Variants in ITIH5 observed in about 807,000 individuals in gnomAD.
The protein encoded by ITIH5 is inter-alpha-trypsin inhibitor heavy chain H5.
In ITIH5, 65 loss-of-function variants were observed where a neutral mutation model predicts 77.5. That is an observed-to-expected ratio of 0.84 (90% CI 0.69 to 1.03). The LOEUF (loss-of-function observed/expected upper bound fraction) is 1.03. ITIH5 is among the 50% of genes least tolerant of loss of function. The pLI is 0.00. For missense variants in ITIH5, 1,208 were observed against 1,213.1 expected (o/e 1.00, Z 0.06); for synonymous variants, 525 against 494.3 (o/e 1.06, Z -0.82).
rs191053899 is a variant in ITIH5 at position 7,665,567 on chromosome 10, G to C, written c.90+1236C>G. On this transcript the variant is annotated intron_variant, in intron 1 of 13. Coordinates refer to ENST00000397146, the MANE Select transcript of ITIH5 (RefSeq NM_030569.7). ...AGAATCAAGTGGTCCCAGACATCCT[G>C]GTACCAAGCCCATGCCTTCAGCCAT... is the stretch of plus-strand genomic sequence containing the variant. 3.3e-4 allele frequency among the ~76,000 whole-genome samples: 50 copies of C among 152,318 alleles called. 1 individual carries two copies. In the East Asian group the frequency reaches 7.7e-3, roughly 24 times the overall value.
intron 7 of ITIH5, among the ~76,000 whole-genome samples, chr10:7,603,521 C>T (rs908218683): frequency 1.3e-5 from 2 of 152,214 alleles, no homozygotes; most frequent in African/African-American, 2.4e-5. Flanking sequence ...GAATGGTATG[C>T]TTTAAAAGGG....
rs1053709198 is a variant in ITIH5, at chr10:7,562,873, A to C, written c.*210T>G. ...GGGGAGAGGCAGGAAGAGGCAGTAG[A>C]GGGAAATGACATTTGCACTCAGGCT... On this transcript the variant is annotated 3_prime_UTR_variant, in exon 14 of 14. Coordinates refer to ENST00000397146, the MANE Select transcript of ITIH5 (RefSeq NM_030569.7). 1.6e-6 allele frequency: 1 copy of C among 615,834 alleles called. No homozygotes were observed. Among genetic ancestry groups the C allele is most frequent in the Non-Finnish European group, 2.9e-6 (1 of 341,764 alleles). 38.1% of individuals were successfully genotyped at this position (615,834 alleles called of 1,614,324 possible).
chr10:7,657,745 T>C (rs572585911), intron 1 of ITIH5, among the ~76,000 whole-genome samples: 3 of 152,360 alleles, frequency 2.0e-5, no homozygotes, highest in East Asian at 3.9e-4. Flanking sequence ...CAGGGTCATG[T>C]GACTAGTTCT....
chr10:7,585,139 G>A (rs186674906), intron 8 of ITIH5, among the ~76,000 whole-genome samples: 5 of 152,318 alleles, frequency 3.3e-5, no homozygotes, highest in East Asian at 1.9e-4. Context: ...TGAAAGGAAG[G>A]GGGAGGGAGT....
intron 7 of ITIH5, 36 bp downstream of exon 7, chr10:7,615,946 G>A (rs758282223): frequency 2.0e-5 from 25 of 1,273,494 alleles, no homozygotes; most frequent in Middle Eastern, 1.9e-4. Context: ...AGGCAAAAGC[G>A]AGAGAGGAAT....
At chr10:7,606,104 A>T (rs58519996) in intron 7 of ITIH5, among the ~76,000 whole-genome samples, 2,877 of 152,330 alleles carry the variant, frequency 0.019, 75 homozygotes, top group African/African-American at 0.063. Flanking sequence ...ATTTTATAAC[A>T]GATGCGGGCA....
chr10:7,585,866 G>T, intron 8 of ITIH5, 35 bp downstream of exon 8: 19 of 1,360,604 alleles, frequency 1.4e-5, no homozygotes, highest in Non-Finnish European at 1.9e-5. Flanking sequence ...TTATTTCAAA[G>T]CCAAGCCAAT....
rs201694044 is a variant in ITIH5, at chr10:7,576,722, GT to G, written c.1708del (p.Thr570ProfsTer17). 1 of 1,613,804 alleles carries G rather than the reference GT, an allele frequency of 6.2e-7. No homozygotes were observed. Among genetic ancestry groups the G allele is most frequent in the East Asian group, 2.2e-5 (1 of 44,814 alleles). ...GCTCCAGAGACGCTCGATGTGGTTG[GT>G]GTCCCCCTCTCCATCGCCTCCAGGC... ...PRPGGDGEGD[T>X]NHIERLWSYL... On this transcript the variant is annotated frameshift_variant, in exon 10 of 14. Transcript: ENST00000397146. LOFTEE classifies it high-confidence loss of function.
rs531961113 is a variant in ITIH5 at position 7,645,003 on chromosome 10, A to G, written c.136-2913T>C. Among the ~76,000 whole-genome samples, 3 of 149,390 alleles carry G rather than the reference A, an allele frequency of 2.0e-5. No homozygotes were observed. The Admixed American group carries it at 2.0e-4, about 10-fold the overall frequency. On this transcript the variant is annotated intron_variant, in intron 2 of 13. Coordinates refer to ENST00000397146, the MANE Select transcript of ITIH5 (RefSeq NM_030569.7). ...ACACCTGAGGATGGACTTGAACACCAAGACAGGGAGCTGCAATGGTTGGAG... is the reference window on the plus strand; with the variant it reads ...ACACCTGAGGATGGACTTGAACACCGAGACAGGGAGCTGCAATGGTTGGAG...
intron 7 of ITIH5, among the ~76,000 whole-genome samples, chr10:7,609,034 G>A (rs916662720): frequency 3.3e-5 from 5 of 152,162 alleles, no homozygotes; most frequent in South Asian, 4.1e-4. Context: ...CATATGTGAC[G>A]TTACAGAGAA....
At chr10:7,657,673 C>T (rs142111376) in intron 1 of ITIH5, among the ~76,000 whole-genome samples, 1 of 152,286 alleles carries the variant, frequency 6.6e-6, no homozygotes, top group East Asian at 1.9e-4. Context: ...TACTGGACTT[C>T]GAGGTTGTTC....
chr10:7,589,822 G>C (rs1832756685), intron 7 of ITIH5, among the ~76,000 whole-genome samples: 1 of 152,018 alleles, frequency 6.6e-6, no homozygotes, highest in Admixed American at 6.5e-5. Context: ...AGAAGACATT[G>C]TCAAGTCTAT....
At chr10:7,630,999 G>A (rs1262113860) in intron 5 of ITIH5, among the ~76,000 whole-genome samples, 1 of 150,958 alleles carries the variant, frequency 6.6e-6, no homozygotes, top group Non-Finnish European at 1.5e-5. Context: ...GGTTACCCAG[G>A]AACCCCAGGT....
In ITIH5 at chr10:7,617,293, G is replaced by A; in HGVS notation, c.653-11C>T. The stretch of plus-strand genomic sequence containing the variant: ...GAGGCCCAGAATCATCTGCAAACAA[G>A]ATAGAAACATAATTAATAACTTAAT... On this transcript the variant is annotated splice_polypyrimidine_tract_variant and intron_variant, in intron 5 of 13. Coordinates refer to ENST00000397146, the MANE Select transcript of ITIH5 (RefSeq NM_030569.7). 6.8e-7 allele frequency: 1 copy of A among 1,480,272 alleles called. No individual in the cohort carries two copies. The highest frequency in any genetic ancestry group is 1.4e-5 in the South Asian group (1 of 70,444). 91.7% of individuals were successfully genotyped at this position (1,480,272 alleles called of 1,614,324 possible). A position where few individuals can be genotyped will look rare whatever the true frequency, so the allele number is the denominator to read the frequency against.
intron 13 of ITIH5, among the ~76,000 whole-genome samples, chr10:7,564,674 C>G (rs147886578): frequency 6.6e-6 from 1 of 151,672 alleles, no homozygotes; most frequent in African/African-American, 2.4e-5. Context: ...AATCACCTAA[C>G]GACCATTAGA....
chr10:7,592,715 G>A (rs543897909), intron 7 of ITIH5, among the ~76,000 whole-genome samples: 1 of 152,330 alleles, frequency 6.6e-6, no homozygotes, highest in South Asian at 2.1e-4. Flanking sequence ...AGGCAGGGGC[G>A]GCCTCAGCCA....
intron 7 of ITIH5, among the ~76,000 whole-genome samples, chr10:7,613,862 T>C (rs912792657): frequency 6.6e-6 from 1 of 152,190 alleles, no homozygotes; most frequent in Non-Finnish European, 1.5e-5. Flanking sequence ...CTAAGAGTTC[T>C]GCAGTCCAGC....
At position 7,637,346 on chromosome 10, in the gene ITIH5, G is replaced by C. The variant is rs1239094352; in HGVS notation, c.534C>G (p.Pro178=). 2 of 1,614,124 alleles carry C rather than the reference G, an allele frequency of 1.2e-6. No homozygotes were observed. The highest frequency in any genetic ancestry group is 2.2e-5 in the East Asian group (1 of 44,870). Residue 178 remains proline, a synonymous_variant, in exon 5 of 14, where the codon CCC becomes CCG. Coordinates refer to ENST00000397146, the MANE Select transcript of ITIH5 (RefSeq NM_030569.7). ...GKYEHSISVR[P]QQLSGRLSVD... is the part of the protein sequence containing the mutation. ...CGCTCAGCCTCCCGGACAGCTGCTGGGGCCGCACGCTGATGCTGTGCTCGT... is the reference window on the plus strand; with the variant it reads ...CGCTCAGCCTCCCGGACAGCTGCTGCGGCCGCACGCTGATGCTGTGCTCGT...
chr10:7,595,690 C>T lies in ITIH5; in HGVS notation c.940-9621G>A, dbSNP rs2130995402. 3.3e-5 allele frequency among the ~76,000 whole-genome samples: 5 copies of T among 152,264 alleles called. No individual in the cohort carries two copies. In the Middle Eastern group the frequency reaches 0.014, roughly 414 times the overall value. On this transcript the variant is annotated intron_variant, in intron 7 of 13. Transcript: ENST00000397146. ...TTAATTTCTTTCTATTTAAATTCTTCCAGGCACAAGGCAGGACATAAATAT... is the reference window on the plus strand; with the variant it reads ...TTAATTTCTTTCTATTTAAATTCTTTCAGGCACAAGGCAGGACATAAATAT...
Sources: gnomAD v4.1 joint callset for allele counts (sites outside exome capture counted in the v4.1 genomes callset) on GRCh38, gnomAD v4.1.1 for gene constraint, MANE v1.5 for transcripts, NCBI Gene and HGNC (gene_info 2026-07-23, HGNC 2026-07-21) for gene names.